Variants in GAD1 observed in about 807,000 individuals in gnomAD.
The protein encoded by GAD1 is 67 kDa glutamic acid decarboxylase.
Under a neutral mutation model 75.2 loss-of-function variants are expected in GAD1, and 35 were observed. That is an observed-to-expected ratio of 0.47 (90% CI 0.36 to 0.62). GAD1 has a LOEUF of 0.62. Among genes scored for constraint, GAD1 ranks in the 20% least tolerant of loss-of-function variants. The pLI is 0.00. For missense variants in GAD1, 490 were observed against 758.5 expected, an observed-to-expected ratio of 0.65 and a Z score of 4.16; for synonymous variants, 257 against 271.9, an observed-to-expected ratio of 0.95 and a Z score of 0.54.
chr2:170,834,765 CTT>C (rs10930442), intron 5 of GAD1, among the ~76,000 whole-genome samples: 23,558 of 134,958 alleles, frequency 0.17, 2,182 homozygotes, highest in South Asian at 0.33. Context: ...AATATTCATT[CTT>C]TTTTTTTTTT....
At chr2:170,829,723 C>T in intron 4 of GAD1, 90 bp downstream of exon 4, 1 of 1,384,622 alleles carries the variant, frequency 7.2e-7, no homozygotes, top group Non-Finnish European at 1.0e-6. Context: ...CTTCTTTTAT[C>T]AAGAAATGTC....
intron 3 of GAD1, among the ~76,000 whole-genome samples, chr2:170,826,837 A>G (rs1012125624): frequency 2.0e-5 from 3 of 152,130 alleles, no homozygotes; most frequent in Non-Finnish European, 4.4e-5. Context: ...CCACAGCTCA[A>G]TGTTCTGGGA....
chr2:170,845,381 C>T, intron 7 of GAD1, 125 bp from the exon 8 acceptor site: 1 of 839,074 alleles, frequency 1.2e-6, no homozygotes, highest in African/African-American at 1.7e-5. Flanking sequence ...CCAGCAAAAC[C>T]TATCAGGATA....
chr2:170,830,993 C>G lies in GAD1; in HGVS notation c.348C>G (p.Phe116Leu). The change falls in exon 5 of 17, where the codon TTC (phenylalanine) becomes TTG (leucine). Residue 116 changes from phenylalanine (F) to leucine (L), a missense_variant. By Grantham distance (22) the Phe-to-Leu change is conservative (BLOSUM62 0). This residue lies in a region of GAD1 where 165 missense variants were observed against 216.4 expected (regional missense o/e 0.76). Transcript: ENST00000358196. ...ACGGTGAGGAGCAAACCGTGCAATT[C>G]CTCCTGGAAGTGGTGGACATACTCC... The part of the protein sequence containing the change: ...AKNGEEQTVQ[F>L]LLEVVDILLN... The G allele has an allele frequency of 6.2e-7, 1 of 1,614,160 alleles. No homozygotes were observed.
rs1326222703 is a variant in GAD1 at position 170,860,599 on chromosome 2, A to T, written c.*717A>T. The T allele has an allele frequency of 1.3e-5, 2 of 152,664 alleles. No individual in the cohort carries two copies. Among genetic ancestry groups the T allele is most frequent in the African/African-American group, 2.4e-5 (1 of 41,432 alleles). 9.5% of individuals were successfully genotyped at this position (152,664 alleles called of 1,614,324 possible). On this transcript the variant is annotated 3_prime_UTR_variant, in exon 17 of 17. Transcript: ENST00000358196. ...AATATTTGCTTATTTATATTCAGAG[A>T]TGTACCATGTTAAAGAGGCGTCTTG...
In GAD1 at chr2:170,833,258, T is replaced by C. The variant is rs540601904; in HGVS notation, c.547+2066T>C. On this transcript the variant is annotated intron_variant, in intron 5 of 16. Coordinates refer to ENST00000358196, the MANE Select transcript of GAD1 (RefSeq NM_000817.3). ...ATGAAATAATGATGCTGGCCAAAGA[T>C]GCTTTTTAAAATGAGGAATCCCAGA... 1.3e-4 allele frequency among the ~76,000 whole-genome samples: 20 copies of C among 152,356 alleles called. No individual in the cohort carries two copies. The South Asian group carries it at 2.7e-3, about 20-fold the overall frequency.
chr2:170,846,646 G>A (rs900982582), intron 10 of GAD1, among the ~76,000 whole-genome samples: 1 of 152,192 alleles, frequency 6.6e-6, no homozygotes, highest in Non-Finnish European at 1.5e-5. Context: ...CTGGGGTCTT[G>A]GCACAGGAAG....
At chr2:170,832,967 C>A (rs1301481695) in intron 5 of GAD1, among the ~76,000 whole-genome samples, 1 of 152,202 alleles carries the variant, frequency 6.6e-6, no homozygotes, top group African/African-American at 2.4e-5. Flanking sequence ...CTCCCTATAA[C>A]TCTCTCCACA....
chr2:170,837,198 G>C (rs769407), intron 6 of GAD1, among the ~76,000 whole-genome samples: 33,106 of 152,074 alleles, frequency 0.22, 4,072 homozygotes, highest in South Asian at 0.37. Flanking sequence ...TTTGAGGTAT[G>C]ATCTTGGTTT....
intron 2 of GAD1, among the ~76,000 whole-genome samples, chr2:170,820,134 C>A (rs958819207): frequency 1.3e-5 from 2 of 152,118 alleles, no homozygotes; most frequent in Non-Finnish European, 2.9e-5. Flanking sequence ...TCTTTTCTGA[C>A]GCTTTCCACA....
intron 4 of GAD1, chr2:170,829,899 G>A: frequency 2.1e-6 from 1 of 466,610 alleles, no homozygotes; most frequent in Non-Finnish European, 3.9e-6. Context: ...TGGATTCATA[G>A]ACTCTCAGAG....
upstream of GAD1, among the ~76,000 whole-genome samples, chr2:170,814,612 T>C (rs1701664167): frequency 1.3e-5 from 2 of 152,240 alleles, no homozygotes; most frequent in South Asian, 4.1e-4. Flanking sequence ...AAATAAGTGC[T>C]TGGCACATAG....
In GAD1 at chr2:170,858,819, G is replaced by C. The variant is rs750917624; in HGVS notation, c.1537G>C (p.Val513Leu). The C allele has an allele frequency of 6.2e-7, 1 of 1,614,106 alleles. No individual in the cohort carries two copies. The highest frequency in any genetic ancestry group is 8.5e-7 in the Non-Finnish European group (1 of 1,179,970). Residue 513 changes from valine to leucine, a missense_variant, in exon 16 of 17, where the codon GTC (valine) becomes CTC (leucine). Transcript: ENST00000358196. ...ATCTCTGCAGCCTGAGCACACAAAC[G>C]TCTGTTTTTGGTATATTCCACAAAG... ...VFNGEPEHTN[V>L]CFWYIPQSLR... is the part of the protein sequence containing the mutation.
intron 15 of GAD1, among the ~76,000 whole-genome samples, 165 bp downstream of exon 15, chr2:170,857,290 G>A (rs1702873088): frequency 6.6e-6 from 1 of 152,002 alleles, no homozygotes; most frequent in South Asian, 2.1e-4. Context: ...TTCCTTCCAT[G>A]TCTATGAACT....
At position 170,818,283 on chromosome 2, in the gene GAD1, CACCGCCAGACTCGAGAGCGGCCCAGGG is replaced by C; in HGVS notation, c.-63-245_-63-219del. ...CGCTTCACTCCAGGTCGCGCCGATG[CACCGCCAGACTCGAGAGCGGCCCAGGG>C]CTACGCTCCCTGCGCCCCAGTACCG... On this transcript the variant is annotated intron_variant, in intron 1 of 16. Coordinates refer to ENST00000358196, the MANE Select transcript of GAD1 (RefSeq NM_000817.3). This position sits in a 1 kb window ranked among gnomAD's most constrained non-coding sequence, Gnocchi z 5.9. 3.0e-6 allele frequency: 1 copy of C among 336,052 alleles called. No individual in the cohort carries two copies. Among genetic ancestry groups the C allele is most frequent in the Non-Finnish European group, 5.7e-6 (1 of 176,346 alleles). The allele number at this position is 336,052 out of a possible 1,614,324, so 20.8% of individuals were successfully genotyped here.
Position 170,845,628 on chromosome 2 carries a change from CG to C in GAD1, c.867+11del. ...CCTCTTCACCTCAGAACAGGTGAGT[CG>C]GGGATGCTTTCTCATGGATAGTGGT... On this transcript the variant is annotated splice_region_variant and intron_variant, in intron 8 of 16. Coordinates refer to ENST00000358196, the MANE Select transcript of GAD1 (RefSeq NM_000817.3). 2 of 1,612,248 alleles carry C rather than the reference CG, an allele frequency of 1.2e-6. No homozygotes were observed. The highest frequency in any genetic ancestry group is 1.7e-6 in the Non-Finnish European group (2 of 1,178,372).
chr2:170,834,505 C>A (rs986733119), intron 5 of GAD1, among the ~76,000 whole-genome samples: 1 of 152,188 alleles, frequency 6.6e-6, no homozygotes, highest in African/African-American at 2.4e-5. Flanking sequence ...CATGAACTAA[C>A]AGGCACCAGT....
At chr2:170,846,359 A>G (rs1160564289) in intron 10 of GAD1, among the ~76,000 whole-genome samples, 1 of 152,256 alleles carries the variant, frequency 6.6e-6, no homozygotes, top group African/African-American at 2.4e-5. Context: ...TCATGAAGAT[A>G]TAGCCTAATT....
upstream of GAD1, chr2:170,816,268 T>C (rs1427239844): frequency 6.6e-6 from 1 of 152,470 alleles, no homozygotes. Flanking sequence ...TGTGGTACTT[T>C]GATGGGGCCC....
Sources: gnomAD v4.1 joint callset for allele counts (sites outside exome capture counted in the v4.1 genomes callset) on GRCh38, gnomAD v4.1.1 for gene constraint, gnomAD v4.1.1 regional missense constraint, Gnocchi (gnomAD v3.1) non-coding constraint, MANE v1.5 for transcripts, NCBI Gene and HGNC (gene_info 2026-07-23, HGNC 2026-07-21) for gene names.